The following SLC4A1AP variants were observed in gnomAD, a reference collection of about 807,000 sequenced individuals.
The protein encoded by SLC4A1AP is solute carrier family 4 member 1 adaptor protein, also known as kanadaptin.
SLC4A1AP carries 64 observed loss-of-function variants against 89.7 expected under a neutral mutation model. The observed-to-expected ratio is 0.71, with a 90% CI of 0.58 to 0.88. SLC4A1AP has a LOEUF of 0.88. Among genes scored for constraint, SLC4A1AP ranks in the 40% least tolerant of loss-of-function variants. SLC4A1AP has a pLI of 0.00. For missense variants in SLC4A1AP, 931 were observed against 965.0 expected, an observed-to-expected ratio of 0.96 and a Z score of 0.47; for synonymous variants, 366 against 353.3, an observed-to-expected ratio of 1.04 and a Z score of -0.40.
intron 13 of SLC4A1AP, 54 bp from the exon 14 acceptor site, chr2:27,694,575 TTTCTC>T: frequency 2.3e-6 from 3 of 1,313,954 alleles, no homozygotes. Flanking sequence ...CTGGATATCT[TTTCTC>T]TCCTGACTTT....
intron 10 of SLC4A1AP, among the ~76,000 whole-genome samples, chr2:27,687,170 G>A (rs1675716055): frequency 6.6e-6 from 1 of 151,954 alleles, no homozygotes; most frequent in South Asian, 2.1e-4. Context: ...TTTAAAATGT[G>A]GTTTCAGAGA....
chr2:27,686,609 A>G (rs1675707930), intron 10 of SLC4A1AP, among the ~76,000 whole-genome samples: 1 of 152,152 alleles, frequency 6.6e-6, no homozygotes, highest in African/African-American at 2.4e-5. Context: ...TACTAAAAAT[A>G]CAGAAAAAAT....
At chr2:27,684,860 A>G (rs1199355123) in intron 9 of SLC4A1AP, among the ~76,000 whole-genome samples, 177 bp from the exon 10 acceptor site, 2 of 152,212 alleles carry the variant, frequency 1.3e-5, no homozygotes, top group Non-Finnish European at 2.9e-5. Context: ...ACACTTGTTT[A>G]GGGTCTATAG....
At chr2:27,682,497 T>A in intron 9 of SLC4A1AP, 138 bp downstream of exon 9, 1 of 514,250 alleles carries the variant, frequency 1.9e-6, no homozygotes, top group Non-Finnish European at 3.5e-6. Flanking sequence ...TATGATCACA[T>A]CTTTCCCAGA....
chr2:27,666,244 G>A (rs868671235), intron 2 of SLC4A1AP, among the ~76,000 whole-genome samples: 3 of 151,056 alleles, frequency 2.0e-5, no homozygotes, highest in Admixed American at 2.0e-4. Context: ...TATTTCTGTT[G>A]GACAGCACTG....
At chr2:27,671,662 T>C (rs1675428915) in intron 5 of SLC4A1AP, among the ~76,000 whole-genome samples, 2 of 152,232 alleles carry the variant, frequency 1.3e-5, no homozygotes. Flanking sequence ...TTGACTTTTC[T>C]GTTTCTTGAT....
rs1453835655 is a variant in SLC4A1AP at position 27,669,398 on chromosome 2, A to G, written c.1345+11A>G. 3.4e-6 allele frequency: 5 copies of G among 1,488,222 alleles called. No homozygotes were observed. In the East Asian group the frequency reaches 7.3e-5, roughly 22 times the overall value. 92.2% of individuals were successfully genotyped at this position (1,488,222 alleles called of 1,614,324 possible). ...TTCGGCAGGAAGCAGGTCAGTATAT[A>G]GGAGCCCTTTTTTTCTAGATTTAAA... On this transcript the variant is annotated intron_variant, in intron 5 of 13. Transcript: ENST00000613058.
intron 7 of SLC4A1AP, 104 bp downstream of exon 7, chr2:27,677,468 C>T: frequency 1.2e-6 from 1 of 800,728 alleles, no homozygotes; most frequent in South Asian, 1.6e-5. Context: ...AATATGGAGC[C>T]TTTTAAAGGA....
At chr2:27,684,708 A>G (rs927327869) in intron 9 of SLC4A1AP, among the ~76,000 whole-genome samples, 5 of 152,326 alleles carry the variant, frequency 3.3e-5, no homozygotes, top group Admixed American at 6.5e-5. Context: ...TTTGTAATCA[A>G]TTGAAATCCT....
intron 8 of SLC4A1AP, among the ~76,000 whole-genome samples, chr2:27,681,622 T>A (rs377346117): frequency 1.3e-5 from 2 of 152,294 alleles, no homozygotes; most frequent in South Asian, 4.2e-4. Flanking sequence ...TTGTTTTTGC[T>A]CTGTTCTCCC....
chr2:27,670,884 T>G (rs868733298), intron 5 of SLC4A1AP, among the ~76,000 whole-genome samples: 2 of 145,710 alleles, frequency 1.4e-5, no homozygotes, highest in Non-Finnish European at 3.0e-5. Context: ...TAATTAAATT[T>G]AAAAAAAAAC....
intron 8 of SLC4A1AP, among the ~76,000 whole-genome samples, chr2:27,679,032 A>G (rs2148136108): frequency 1.3e-5 from 2 of 152,184 alleles, no homozygotes; most frequent in East Asian, 3.9e-4. Context: ...TAGCATTTTT[A>G]TATATGAATT....
intron 11 of SLC4A1AP, 109 bp from the exon 12 acceptor site, chr2:27,688,591 C>A: frequency 1.4e-6 from 1 of 730,806 alleles, no homozygotes. Flanking sequence ...ATTGCATTGT[C>A]ATGAGCATCT....
exon 11 of SLC4A1AP, chr2:27,688,020 G>C: frequency 6.2e-7 from 1 of 1,613,228 alleles, no homozygotes; most frequent in Non-Finnish European, 8.5e-7. Context: ...AGGACCCTCA[G>C]GCAAGTAGTA....
At chr2:27,670,245 G>A (rs886412171) in intron 5 of SLC4A1AP, among the ~76,000 whole-genome samples, 6 of 151,996 alleles carry the variant, frequency 3.9e-5, no homozygotes, top group Non-Finnish European at 7.4e-5. Flanking sequence ...TGATCCACCC[G>A]CCTTGGCCTC....
intron 5 of SLC4A1AP, among the ~76,000 whole-genome samples, chr2:27,672,492 G>A (rs1246129277): frequency 6.6e-6 from 1 of 151,712 alleles, no homozygotes; most frequent in African/African-American, 2.4e-5. Flanking sequence ...GTTCATTTTT[G>A]GTTTTTGAAT....
intron 2 of SLC4A1AP, among the ~76,000 whole-genome samples, chr2:27,666,236 T>G (rs889484383): frequency 5.3e-5 from 8 of 152,098 alleles, no homozygotes; most frequent in Admixed American, 5.2e-4. Flanking sequence ...TGTCATTATA[T>G]TTCTGTTGGA....
chr2:27,667,197 A>T (rs1675343515), intron 2 of SLC4A1AP, 71 bp from the exon 3 acceptor site: 43 of 1,497,202 alleles, frequency 2.9e-5, no homozygotes, highest in Non-Finnish European at 3.8e-5. Context: ...AGCCTGAGAG[A>T]ATAGTGGGTA....
intron 6 of SLC4A1AP, among the ~76,000 whole-genome samples, chr2:27,676,155 G>T (rs2148134839): frequency 6.6e-6 from 1 of 152,238 alleles, no homozygotes; most frequent in South Asian, 2.1e-4. Flanking sequence ...TAATAGGCAG[G>T]TAATAGGCTA....
Sources: allele counts gnomAD v4.1 joint callset (sites outside exome capture counted in the v4.1 genomes callset), GRCh38; gene constraint gnomAD v4.1.1; transcripts MANE v1.5; gene names NCBI Gene and HGNC (gene_info 2026-07-23, HGNC 2026-07-21).